Variants in WNT3A observed in about 807,000 individuals in gnomAD.
The protein encoded by WNT3A is protein Wnt-3a.
A neutral mutation model predicts 37.0 loss-of-function variants in WNT3A; 17 were observed. The ratio of observed to expected loss-of-function variants is 0.46; its 90% CI spans 0.31 to 0.69. The LOEUF (loss-of-function observed/expected upper bound fraction) is 0.69. Ranked by LOEUF, WNT3A falls within the 30% of genes least tolerant of loss-of-function variation. WNT3A has a pLI of 0.05. For synonymous variants in WNT3A, 187 were observed against 211.0 expected (o/e 0.89, Z 0.99); for missense variants, 411 against 510.2 (o/e 0.81, Z 1.87).
chr1:228,017,982 C>A (rs2030580535), intron 1 of WNT3A, among the ~76,000 whole-genome samples: 2 of 152,220 alleles, frequency 1.3e-5, no homozygotes, highest in African/African-American at 4.8e-5. Flanking sequence ...AAGAGAACAG[C>A]ACGGGGGCTT....
rs1357157828 is a variant in WNT3A at position 228,039,337 on chromosome 1, T to TGCCAGCA, written c.314-11313_314-11307dup. Among the ~76,000 whole-genome samples the TGCCAGCA allele has an allele frequency of 6.6e-6, 1 of 152,110 alleles. No homozygotes were observed. Among genetic ancestry groups the TGCCAGCA allele is most frequent in the Non-Finnish European group, 1.5e-5 (1 of 68,002 alleles). ...CAGACTAAGCAGCCCAGCCACCAGCTGCCAGCAGCCAGGGCCCTGAATCCC... is the reference window on the plus strand; with the variant it reads ...CAGACTAAGCAGCCCAGCCACCAGCTGCCAGCAGCCAGCAGCCAGGGCCCTGAATCCC... On this transcript the variant is annotated intron_variant, in intron 2 of 3. Transcript: ENST00000284523. This position sits in a 1 kb window ranked among gnomAD's most constrained non-coding sequence, Gnocchi z 4.1.
At chr1:228,018,405 A>AG (rs1456441575) in intron 1 of WNT3A, among the ~76,000 whole-genome samples, 1 of 85,256 alleles carries the variant, frequency 1.2e-5, no homozygotes, top group Non-Finnish European at 2.1e-5. Context: ...TGTGCAATTT[A>AG]GATTTTTTTT....
intron 2 of WNT3A, among the ~76,000 whole-genome samples, chr1:228,023,731 T>A (rs1280947551): frequency 1.3e-5 from 2 of 152,254 alleles, no homozygotes; most frequent in Admixed American, 6.5e-5. Context: ...GCATTTGGTA[T>A]ACTCACAGAA....
chr1:228,059,131 T>C lies in WNT3A; in HGVS notation c.725T>C (p.Val242Ala). Residue 242 changes from valine (V) to alanine (A), a missense_variant, in exon 4 of 4, where the codon GTG (valine) becomes GCG (alanine). By Grantham distance (64) the Val-to-Ala change is moderately conservative. Transcript: ENST00000284523. ...KDKYDSASEM[V>A]VEKHRESRGW... The stretch of plus-strand genomic sequence containing the variant: ...AAGTACGACAGCGCCTCGGAGATGG[T>C]GGTGGAGAAGCACCGGGAGTCCCGC... The C allele has an allele frequency of 6.2e-7, 1 of 1,613,688 alleles. No individual in the cohort carries two copies.
intron 3 of WNT3A, among the ~76,000 whole-genome samples, chr1:228,055,961 T>C (rs1224802044): frequency 6.6e-6 from 1 of 152,222 alleles, no homozygotes; most frequent in African/African-American, 2.4e-5. Context: ...TCTCTACATA[T>C]GGAAGTTCAT....
intron 3 of WNT3A, among the ~76,000 whole-genome samples, chr1:228,055,674 G>A (rs2031671077): frequency 6.6e-6 from 1 of 152,200 alleles, no homozygotes; most frequent in Admixed American, 6.5e-5. Context: ...TAAGCCAGTA[G>A]AGAAGAAATT....
At position 228,050,732 on chromosome 1, in the gene WNT3A, A is replaced by G; in HGVS notation, c.390A>G (p.Glu130=). 1.2e-6 allele frequency: 2 copies of G among 1,614,152 alleles called. No individual in the cohort carries two copies. Among genetic ancestry groups the G allele is most frequent in the Non-Finnish European group, 1.7e-6 (2 of 1,180,026 alleles). Reference sequence around the variant, plus strand: ...TTGCAGTGACACGCTCATGTGCAGAAGGCACGGCCGCCATCTGTGGCTGCA... The same window carrying G: ...TTGCAGTGACACGCTCATGTGCAGAGGGCACGGCCGCCATCTGTGGCTGCA... ...VAFAVTRSCA[E]GTAAICGCSS... Residue 130 remains glutamate, a synonymous_variant, in exon 3 of 4, where the codon GAA becomes GAG. Transcript: ENST00000284523. This position sits in a 1 kb window ranked among gnomAD's most constrained non-coding sequence, Gnocchi z 5.0.
intron 2 of WNT3A, among the ~76,000 whole-genome samples, chr1:228,043,809 G>A (rs923881474): frequency 6.6e-6 from 1 of 152,204 alleles, no homozygotes; most frequent in South Asian, 2.1e-4. Context: ...ATACCCCATC[G>A]TTTGTGCTAT....
At chr1:228,022,421 CT>C (rs2030729766) in intron 1 of WNT3A, among the ~76,000 whole-genome samples, 1 of 152,060 alleles carries the variant, frequency 6.6e-6, no homozygotes, top group Non-Finnish European at 1.5e-5. Flanking sequence ...GAGATTCTGT[CT>C]CAAAAAAAGA....
chr1:228,025,214 G>T (rs2030823426), intron 2 of WNT3A, among the ~76,000 whole-genome samples: 1 of 152,160 alleles, frequency 6.6e-6, no homozygotes, highest in South Asian at 2.1e-4. Flanking sequence ...AAATGCTGCT[G>T]GGATTTTCAT....
rs563835797 is a variant in WNT3A, at chr1:228,037,559, G to A, written c.314-13097G>A. Among the ~76,000 whole-genome samples the A allele has an allele frequency of 5.9e-5, 9 of 152,290 alleles. No individual in the cohort carries two copies. In the South Asian group the frequency reaches 1.9e-3, roughly 32 times the overall value. On this transcript the variant is annotated intron_variant, in intron 2 of 3. Coordinates refer to ENST00000284523, the MANE Select transcript of WNT3A (RefSeq NM_033131.4). The surrounding 1 kb of genome is among the most constrained non-coding windows in gnomAD (Gnocchi z 4.1). ...GCCGGCACAGGGGTGGGGCCTGCCT[G>A]CTAGGACATGGGGACACACAGGGCA...
At position 228,059,358 on chromosome 1, in the gene WNT3A, G is replaced by C. The variant is rs1000804649; in HGVS notation, c.952G>C (p.Ala318Pro). 3.8e-6 allele frequency: 6 copies of C among 1,565,010 alleles called. No individual in the cohort carries two copies. In the African/African-American group the frequency reaches 6.8e-5, roughly 18 times the overall value. The stretch of plus-strand genomic sequence containing the variant: ...GCTGTGCTGCGGCCGCGGCCACAAC[G>C]CGCGAGCGGAGCGGCGCCGGGAGAA... ...DLLCCGRGHNARAERRREKCR... is the reference protein window; with the variant it reads ...DLLCCGRGHNPRAERRREKCR... Residue 318 changes from alanine to proline, a missense_variant, in exon 4 of 4, where the codon GCG becomes CCG. Coordinates refer to ENST00000284523, the MANE Select transcript of WNT3A (RefSeq NM_033131.4).
chr1:228,033,703 C>G (rs1239827448), intron 2 of WNT3A, among the ~76,000 whole-genome samples: 1 of 152,136 alleles, frequency 6.6e-6, no homozygotes, highest in Admixed American at 6.5e-5. Context: ...GCAAAAAAAG[C>G]TTAGATTTTT....
At chr1:228,015,708 CCCCCCA>C (rs1463574888) in intron 1 of WNT3A, among the ~76,000 whole-genome samples, 1 of 150,592 alleles carries the variant, frequency 6.6e-6, no homozygotes, top group African/African-American at 2.4e-5. Flanking sequence ...CCCCCGCCTC[CCCCCCA>C]CCCCCGCCGC....
intron 2 of WNT3A, among the ~76,000 whole-genome samples, chr1:228,049,535 C>A (rs775726201): frequency 5.3e-5 from 8 of 152,192 alleles, no homozygotes; most frequent in Non-Finnish European, 7.3e-5. Flanking sequence ...GCAAACCTAA[C>A]GGCTGGTGGA....
At chr1:228,055,417 T>A (rs1032041938) in intron 3 of WNT3A, among the ~76,000 whole-genome samples, 8 of 150,472 alleles carry the variant, frequency 5.3e-5, no homozygotes. Flanking sequence ...TAGATACAGG[T>A]AGGGACAGGT....
At chr1:228,029,636 G>A (rs141528959) in intron 2 of WNT3A, among the ~76,000 whole-genome samples, 15 of 152,182 alleles carry the variant, frequency 9.9e-5, no homozygotes, top group South Asian at 8.3e-4. Context: ...ATTTTATAAC[G>A]GACAACCCCA....
intron 2 of WNT3A, among the ~76,000 whole-genome samples, chr1:228,032,064 T>G (rs2031023932): frequency 6.6e-6 from 1 of 152,184 alleles, no homozygotes; most frequent in Admixed American, 6.5e-5. Flanking sequence ...ATCTTTAGGA[T>G]ATTTCATTGC....
intron 2 of WNT3A, among the ~76,000 whole-genome samples, chr1:228,036,464 G>T (rs746913468): frequency 6.6e-6 from 1 of 152,112 alleles, no homozygotes; most frequent in African/African-American, 2.4e-5. Flanking sequence ...CCCATCTGCC[G>T]TCCACCTGGC....
Sources: allele counts gnomAD v4.1 joint callset (sites outside exome capture counted in the v4.1 genomes callset), GRCh38; gene constraint gnomAD v4.1.1; non-coding constraint Gnocchi (gnomAD v3.1); transcripts MANE v1.5; gene names NCBI Gene and HGNC (gene_info 2026-07-23, HGNC 2026-07-21).